The following MMP28 variants were observed in gnomAD, a reference collection of about 807,000 sequenced individuals.
The protein encoded by MMP28 is matrix metallopeptidase 28.
In MMP28, 55 loss-of-function variants were observed where a neutral mutation model predicts 60.5. That is an observed-to-expected ratio of 0.91 (90% CI 0.73 to 1.14). MMP28 has a LOEUF of 1.14. Among genes scored for constraint, MMP28 ranks in the 50% most tolerant of loss-of-function variants. The pLI, the probability that MMP28 is intolerant of heterozygous loss-of-function variation, is 0.00. For missense variants in MMP28, 686 were observed against 738.3 expected (o/e 0.93, Z 0.82); for synonymous variants, 318 against 312.5 (o/e 1.02, Z -0.18).
chr17:35,770,098 C>G lies in MMP28; in HGVS notation c.819G>C (p.Trp273Cys). The G allele has an allele frequency of 1.3e-6, 2 of 1,598,742 alleles. No homozygotes were observed. Among genetic ancestry groups the G allele is most frequent in the Non-Finnish European group, 1.7e-6 (2 of 1,173,416 alleles). ...KRLGRDALLS[W>C]DDVLAVQSLY... ...GGCTCTGCACGGCCAGCACGTCGTC[C>G]CAGCTGAGCAGCGCGTCGCGGCCCA... Residue 273 changes from tryptophan to cysteine, a missense_variant, in exon 5 of 8, where the codon TGG becomes TGC. By Grantham distance (215) the Trp-to-Cys change is radical (BLOSUM62 -2). Transcript: ENST00000605424.
rs372591913 is a variant in MMP28, at chr17:35,779,941, T to C, written c.112-618A>G. On this transcript the variant is annotated intron_variant, in intron 1 of 7. Coordinates refer to ENST00000605424, the MANE Select transcript of MMP28 (RefSeq NM_024302.5). Reference sequence around the variant, plus strand: ...ACAACTACATTCTCTAGAATATCTTTTGGTATTGATTAGGAGCTTATCAGG... The same window carrying C: ...ACAACTACATTCTCTAGAATATCTTCTGGTATTGATTAGGAGCTTATCAGG... Among the ~76,000 whole-genome samples the C allele has an allele frequency of 2.6e-5, 4 of 152,308 alleles. No homozygotes were observed. The East Asian group carries it at 7.7e-4, about 29-fold the overall frequency.
At chr17:35,757,104 A>C (rs1455551673) in intron 2 of MMP28, 3 of 151,974 alleles carry the variant, frequency 2.0e-5, no homozygotes, top group Non-Finnish European at 2.9e-5. Context: ...AGGAGGCAGA[A>C]TTAGCCACTG....
At chr17:35,760,837 T>A (rs1555601357) in intron 2 of MMP28, 1 of 1,388,568 alleles carries the variant, frequency 7.2e-7, no homozygotes, top group African/African-American at 1.4e-5. Flanking sequence ...CCACCCCTTG[T>A]GACCTAATAG....
Position 35,766,546 on chromosome 17 carries a change from G to A in MMP28, c.1517C>T (p.Pro506Leu). The A allele has an allele frequency of 6.2e-7, 1 of 1,609,542 alleles. No individual in the cohort carries two copies. ...GTTGGCATGCCAGCAGCCCATCCAG[G>A]GCAGCTCGGTGGCCCAGCGGCCCGA... Reference protein sequence around the residue: ...TTSGRWATELPWMGCWHANSG... With the variant: ...TTSGRWATELLWMGCWHANSG... Residue 506 changes from proline (P) to leucine (L), a missense_variant, in exon 8 of 8, where the codon CCC (proline) becomes CTC (leucine). Coordinates refer to ENST00000605424, the MANE Select transcript of MMP28 (RefSeq NM_024302.5). The surrounding 1 kb of genome is among the most constrained non-coding windows in gnomAD (Gnocchi z 4.3).
chr17:35,761,865 C>T (rs1472417858), downstream of MMP28, among the ~76,000 whole-genome samples: 1 of 152,218 alleles, frequency 6.6e-6, no homozygotes, highest in Admixed American at 6.5e-5. Flanking sequence ...CTCTGGAACC[C>T]TTTTCTAGCT....
chr17:35,763,158 G>C (rs1555601835), downstream of MMP28, among the ~76,000 whole-genome samples: 2 of 152,126 alleles, frequency 1.3e-5, no homozygotes, highest in Non-Finnish European at 2.9e-5. Flanking sequence ...GTAAGCCAGG[G>C]GAGGCGGCTC....
chr17:35,771,766 C>G, intron 4 of MMP28, among the ~76,000 whole-genome samples: 1 of 103,816 alleles, frequency 9.6e-6, no homozygotes, highest in East Asian at 2.8e-4. Context: ...AAATTGTGTT[C>G]TTGCCCTCCT....
At chr17:35,773,567 G>A (rs1169813517) in intron 3 of MMP28, among the ~76,000 whole-genome samples, 163 bp from the exon 4 acceptor site, 1 of 152,196 alleles carries the variant, frequency 6.6e-6, no homozygotes, top group South Asian at 2.1e-4. Context: ...TGACTGGGGC[G>A]ATACTGCCTG....
intron 2 of MMP28, among the ~76,000 whole-genome samples, chr17:35,756,959 A>G (rs2085746117): frequency 6.6e-6 from 1 of 151,820 alleles, no homozygotes; most frequent in South Asian, 2.1e-4. Flanking sequence ...GCACTTTAGG[A>G]AGCCAAGGCG....
intron 3 of MMP28, among the ~76,000 whole-genome samples, chr17:35,776,899 G>A (rs542982373): frequency 6.6e-6 from 1 of 151,742 alleles, no homozygotes; most frequent in East Asian, 1.9e-4. Flanking sequence ...AAAAAAAAAA[G>A]AAAGAGAGAG....
intron 1 of MMP28, among the ~76,000 whole-genome samples, chr17:35,781,978 C>A (rs1469590878): frequency 6.6e-6 from 1 of 151,922 alleles, no homozygotes; most frequent in Non-Finnish European, 1.5e-5. Flanking sequence ...CTCAGGTGAC[C>A]CTCCTATAGC....
chr17:35,757,127 G>C (rs587658099), intron 2 of MMP28: 1 of 151,202 alleles, frequency 6.6e-6, no homozygotes, highest in South Asian at 2.1e-4. Flanking sequence ...TTCCAGCCTG[G>C]GTGACAGAGG....
At chr17:35,758,691 C>CA (rs1177694034) in intron 2 of MMP28, among the ~76,000 whole-genome samples, 1 of 151,570 alleles carries the variant, frequency 6.6e-6, no homozygotes, top group African/African-American at 2.4e-5. Flanking sequence ...GACTCTATCT[C>CA]AAAAAATAAA....
At chr17:35,778,818 G>A in intron 3 of MMP28, 70 bp downstream of exon 3, 1 of 1,613,412 alleles carries the variant, frequency 6.2e-7, no homozygotes, top group South Asian at 1.1e-5. Context: ...CCCAGGCTCA[G>A]CTGTTTTCCT....
In MMP28 at chr17:35,766,431, C is replaced by G; in HGVS notation, c.*69G>C. ...GACTCAGAGGCTTCTAAGAGGGGTTCTGCCCCGGGGGTGGGGAACATGATT... is the reference window on the plus strand; with the variant it reads ...GACTCAGAGGCTTCTAAGAGGGGTTGTGCCCCGGGGGTGGGGAACATGATT... On this transcript the variant is annotated 3_prime_UTR_variant, in exon 8 of 8. Transcript: ENST00000605424. The surrounding 1 kb of genome is among the most constrained non-coding windows in gnomAD (Gnocchi z 4.3). The G allele has an allele frequency of 6.8e-7, 1 of 1,464,268 alleles. No homozygotes were observed. Among genetic ancestry groups the G allele is most frequent in the South Asian group, 1.4e-5 (1 of 73,334 alleles). The allele number at this position is 1,464,268 out of a possible 1,614,324, so 90.7% of individuals were successfully genotyped here. A position where few individuals can be genotyped will look rare whatever the true frequency, so the allele number is the denominator to read the frequency against.
chr17:35,788,618 C>T (rs1352902881), intron 1 of MMP28, among the ~76,000 whole-genome samples: 2 of 152,114 alleles, frequency 1.3e-5, no homozygotes, highest in Non-Finnish European at 2.9e-5. Context: ...AAAAGTCAAA[C>T]GAATGGCTCT....
downstream of MMP28, chr17:35,765,729 C>G: frequency 1.9e-6 from 1 of 516,794 alleles, no homozygotes; most frequent in Non-Finnish European, 2.5e-6. Context: ...CCCCTTCTCT[C>G]CATCACAGCT....
Position 35,778,881 on chromosome 17 carries a change from T to C in MMP28, c.379+7A>G. On this transcript the variant is annotated splice_region_variant and intron_variant, in intron 3 of 7. Transcript: ENST00000605424. ...TCTTGGCCTAGCCGGATTTTAACAGTGCTCACCTTGCTTTGCAAAGCGTTT... is the reference window on the plus strand; with the variant it reads ...TCTTGGCCTAGCCGGATTTTAACAGCGCTCACCTTGCTTTGCAAAGCGTTT... 4 of 1,614,050 alleles carry C rather than the reference T, an allele frequency of 2.5e-6. No homozygotes were observed. Among genetic ancestry groups the C allele is most frequent in the Non-Finnish European group, 3.4e-6 (4 of 1,179,898 alleles).
intron 4 of MMP28, among the ~76,000 whole-genome samples, chr17:35,772,840 G>C (rs1028794552): frequency 6.6e-6 from 1 of 152,168 alleles, no homozygotes; most frequent in African/African-American, 2.4e-5. Context: ...GCTCTGGAGT[G>C]AACATCCACT....
Sources: allele counts gnomAD v4.1 joint callset (sites outside exome capture counted in the v4.1 genomes callset), GRCh38; gene constraint gnomAD v4.1.1; non-coding constraint Gnocchi (gnomAD v3.1); transcripts MANE v1.5; gene names NCBI Gene and HGNC (gene_info 2026-07-23, HGNC 2026-07-21).